MYOM2: variants seen among roughly 807,000 people sequenced by gnomAD.
The protein encoded by MYOM2 is myomesin-2.
In MYOM2, 254 loss-of-function variants were observed where a neutral mutation model predicts 187.6. That is an observed-to-expected ratio of 1.35 (90% CI 1.22 to 1.50). MYOM2 has a LOEUF of 1.50. Ranked by LOEUF, MYOM2 falls within the 40% of genes most tolerant of loss-of-function variation. MYOM2 has a pLI of 0.00. For synonymous variants in MYOM2, 981 were observed against 753.8 expected (o/e 1.30, Z -4.94); for missense variants, 2,796 against 1,924.0 (o/e 1.45, Z -8.48).
At chr8:2,079,043 T>G in intron 12 of MYOM2, 110 bp downstream of exon 12, 2 of 1,048,972 alleles carry the variant, frequency 1.9e-6, no homozygotes, top group East Asian at 4.8e-5. Flanking sequence ...GAGAATGCCC[T>G]GTGTGCAGAG....
In MYOM2 at chr8:2,051,171, A is replaced by G. The variant is rs539973632; in HGVS notation, c.107+298A>G. Among the ~76,000 whole-genome samples, 6 of 74,706 alleles carry G rather than the reference A, an allele frequency of 8.0e-5. No homozygotes were observed. In the East Asian group the frequency reaches 4.1e-3, roughly 51 times the overall value. The allele number at this position is 74,706 out of a possible 152,430, so 49.0% of individuals were successfully genotyped here. A position where few individuals can be genotyped will look rare whatever the true frequency, so the allele number is the denominator to read the frequency against. On this transcript the variant is annotated intron_variant, in intron 2 of 36. Coordinates refer to ENST00000262113, the MANE Select transcript of MYOM2 (RefSeq NM_003970.4). Reference sequence around the variant, plus strand: ...TCATCACATGCCTTCCAGAACTAGGATCTAAAAAGCCACCCAAAATAAAAA... The same window carrying G: ...TCATCACATGCCTTCCAGAACTAGGGTCTAAAAAGCCACCCAAAATAAAAA...
intron 25 of MYOM2, among the ~76,000 whole-genome samples, chr8:2,115,384 C>G (rs543593769): frequency 3.3e-5 from 5 of 152,150 alleles, no homozygotes; most frequent in Admixed American, 3.3e-4. Context: ...TCATATGTAT[C>G]TGTGCATGTA....
intron 32 of MYOM2, among the ~76,000 whole-genome samples, chr8:2,135,840 A>C (rs747524811): frequency 4.6e-5 from 7 of 152,216 alleles, no homozygotes; most frequent in Non-Finnish European, 1.0e-4. Flanking sequence ...ATAGTCAAAG[A>C]AATTAACAGC....
intron 6 of MYOM2, among the ~76,000 whole-genome samples, chr8:2,061,277 TCTGTCC>T (rs1189733429): frequency 2.5e-4 from 38 of 152,056 alleles, no homozygotes; most frequent in Non-Finnish European, 3.8e-4. Context: ...GGAGGGTGTC[TCTGTCC>T]CTGTCCAGCC....
intron 13 of MYOM2, among the ~76,000 whole-genome samples, chr8:2,083,072 A>G (rs1230647450): frequency 6.6e-6 from 1 of 152,246 alleles, no homozygotes; most frequent in Non-Finnish European, 1.5e-5. Flanking sequence ...CTTCCTCCAC[A>G]CATGAACAGA....
intron 31 of MYOM2, among the ~76,000 whole-genome samples, chr8:2,124,532 A>T (rs1018649844): frequency 1.3e-5 from 2 of 152,208 alleles, no homozygotes; most frequent in African/African-American, 4.8e-5. Flanking sequence ...AGCTTTTTAC[A>T]TATGTTGAAT....
At chr8:2,100,678 C>T (rs1796675213) in intron 19 of MYOM2, among the ~76,000 whole-genome samples, 198 bp from the exon 20 acceptor site, 1 of 150,158 alleles carries the variant, frequency 6.7e-6, no homozygotes, top group African/African-American at 2.4e-5. Flanking sequence ...GCCCTCCTCC[C>T]TGACCCCCAA....
At chr8:2,085,560 C>T (rs1241890334) in intron 14 of MYOM2, among the ~76,000 whole-genome samples, 170 bp downstream of exon 14, 2 of 28,316 alleles carry the variant, frequency 7.1e-5, no homozygotes, top group African/African-American at 6.3e-4. Flanking sequence ...GTCATGATCT[C>T]TGCGTGGCCC....
chr8:2,080,887 C>A (rs576487324), intron 13 of MYOM2, among the ~76,000 whole-genome samples: 2 of 147,398 alleles, frequency 1.4e-5, no homozygotes, highest in East Asian at 4.0e-4. Context: ...GAACAGGCAG[C>A]CCAGCCCGTG....
At chr8:2,141,810 A>G (rs1798282038) in intron 34 of MYOM2, among the ~76,000 whole-genome samples, 1 of 152,176 alleles carries the variant, frequency 6.6e-6, no homozygotes, top group African/African-American at 2.4e-5. Flanking sequence ...AAGACTTAAA[A>G]TGGCGATGCT....
chr8:2,098,936 A>G lies in MYOM2; in HGVS notation c.2393A>G (p.Asp798Gly), dbSNP rs753428534. Reference protein sequence around the residue: ...VNLAGIGEPSDPSEHFKCEAW... With the variant: ...VNLAGIGEPSGPSEHFKCEAW... Reference sequence around the variant, plus strand: ...CTGGCCGGCATCGGGGAGCCCTCAGATCCCAGTGAGCACTTCAAGTGTGAG... The same window carrying G: ...CTGGCCGGCATCGGGGAGCCCTCAGGTCCCAGTGAGCACTTCAAGTGTGAG... The change falls in exon 19 of 37, where the codon GAT (aspartate) becomes GGT (glycine). Residue 798 changes from aspartate to glycine, a missense_variant. Physicochemically the swap from Asp to Gly is moderately conservative, Grantham distance 94 (BLOSUM62 -1). Coordinates refer to ENST00000262113, the MANE Select transcript of MYOM2 (RefSeq NM_003970.4). The G allele has an allele frequency of 6.2e-7, 1 of 1,613,608 alleles. No homozygotes were observed. The highest frequency in any genetic ancestry group is 1.1e-5 in the South Asian group (1 of 90,852).
chr8:2,045,526 C>T (rs567357044), intron 1 of MYOM2, among the ~76,000 whole-genome samples: 18 of 152,180 alleles, frequency 1.2e-4, no homozygotes, highest in East Asian at 1.9e-4. Context: ...TTCTCAGAAA[C>T]GAAAGCCTCC....
Position 2,134,267 on chromosome 8 carries a change from G to A in MYOM2, c.3800+5035G>A, listed in dbSNP as rs138756090. Among the ~76,000 whole-genome samples the A allele has an allele frequency of 3.5e-3, 532 of 151,990 alleles. 3 individuals are homozygous for A. Among genetic ancestry groups the A allele is most frequent in the African/African-American group, 0.012 (480 of 41,432 alleles). Reference sequence around the variant, plus strand: ...TCTTCAGGCTCTCCTCGTCTCTCTCGGCCTGGGTGCCTTGAAGCCTTCTGT... The same window carrying A: ...TCTTCAGGCTCTCCTCGTCTCTCTCAGCCTGGGTGCCTTGAAGCCTTCTGT... On this transcript the variant is annotated intron_variant, in intron 32 of 36. Coordinates refer to ENST00000262113, the MANE Select transcript of MYOM2 (RefSeq NM_003970.4).
At chr8:2,122,284 G>C (rs1012474362) in intron 28 of MYOM2, among the ~76,000 whole-genome samples, 2 of 152,200 alleles carry the variant, frequency 1.3e-5, no homozygotes, top group African/African-American at 2.4e-5. Context: ...TTAGAAGGAA[G>C]ACACTACTTT....
At chr8:2,096,198 A>G in intron 17 of MYOM2, 49 bp from the exon 18 acceptor site, 1 of 1,566,470 alleles carries the variant, frequency 6.4e-7, no homozygotes, top group Non-Finnish European at 8.7e-7. Flanking sequence ...CCGGGGACAA[A>G]GCCCCCAGCT....
chr8:2,085,424 T>C, intron 14 of MYOM2, 34 bp downstream of exon 14: 1 of 1,608,234 alleles, frequency 6.2e-7, no homozygotes, highest in Non-Finnish European at 8.5e-7. Context: ...GAAAAGTAGA[T>C]CTCTGCATGG....
chr8:2,092,215 C>T, intron 15 of MYOM2, 131 bp from the exon 16 acceptor site: 1 of 1,086,170 alleles, frequency 9.2e-7, no homozygotes, highest in Admixed American at 2.1e-5. Context: ...ACTCCTGGAC[C>T]CCTTGTCTGA....
At chr8:2,111,194 A>G (rs1351204668) in intron 25 of MYOM2, among the ~76,000 whole-genome samples, 1 of 152,212 alleles carries the variant, frequency 6.6e-6, no homozygotes, top group Non-Finnish European at 1.5e-5. Context: ...ATCTTTTGGA[A>G]TATGGTTGTA....
chr8:2,089,232 G>GTTTTTTTTTT (rs1796208779), intron 14 of MYOM2, among the ~76,000 whole-genome samples: 3 of 151,710 alleles, frequency 2.0e-5, no homozygotes, highest in African/African-American at 2.4e-5. Flanking sequence ...TGTAATCAAG[G>GTTTTTTTTTT]TTTTTAAAGT....
Sources: gnomAD v4.1 joint callset for allele counts (sites outside exome capture counted in the v4.1 genomes callset) on GRCh38, gnomAD v4.1.1 for gene constraint, MANE v1.5 for transcripts, NCBI Gene and HGNC (gene_info 2026-07-23, HGNC 2026-07-21) for gene names.